ATE1: variants seen among roughly 807,000 people sequenced by gnomAD.
The protein encoded by ATE1 is arginyl-tRNA--protein transferase 1.
Under a neutral mutation model 70.5 loss-of-function variants are expected in ATE1, and 36 were observed. The ratio of observed to expected loss-of-function variants is 0.51; its 90% confidence interval spans 0.39 to 0.67. ATE1 has a LOEUF of 0.67. ATE1 is among the 30% of genes least tolerant of loss of function. The pLI, the probability that ATE1 is intolerant of heterozygous loss-of-function variation, is 0.00. For missense variants in ATE1, 593 were observed against 629.5 expected (o/e 0.94, Z 0.62); for synonymous variants, 232 against 219.3 (o/e 1.06, Z -0.51).
intron 7 of ATE1, among the ~76,000 whole-genome samples, chr10:121,871,081 C>T (rs577903531): frequency 6.6e-6 from 1 of 152,224 alleles, no homozygotes; most frequent in South Asian, 2.1e-4. Context: ...AAATATTTAT[C>T]AATGAAATTA....
At chr10:121,796,188 C>G (rs1475295212) in intron 10 of ATE1, among the ~76,000 whole-genome samples, 1 of 152,012 alleles carries the variant, frequency 6.6e-6, no homozygotes, top group African/African-American at 2.4e-5. Context: ...AGCCGTCCAA[C>G]AAGAACAAAA....
intron 10 of ATE1, among the ~76,000 whole-genome samples, chr10:121,818,436 T>C (rs1018393888): frequency 6.6e-6 from 1 of 152,130 alleles, no homozygotes; most frequent in Non-Finnish European, 1.5e-5. Context: ...TAATATTTTA[T>C]AGCAATTTTT....
intron 11 of ATE1, among the ~76,000 whole-genome samples, chr10:121,753,016 T>C (rs1944651284): frequency 6.6e-6 from 1 of 152,230 alleles, no homozygotes; most frequent in Non-Finnish European, 1.5e-5. Flanking sequence ...TTCTGTAATT[T>C]CTTTGAACAA....
intron 2 of ATE1, among the ~76,000 whole-genome samples, chr10:121,923,233 A>G (rs1311561115): frequency 6.6e-6 from 1 of 152,174 alleles, no homozygotes; most frequent in Non-Finnish European, 1.5e-5. Context: ...CACTTTGAAA[A>G]GCTAAGCTGG....
chr10:121,853,665 T>C (rs541013305), intron 8 of ATE1, among the ~76,000 whole-genome samples: 4 of 152,240 alleles, frequency 2.6e-5, no homozygotes, highest in South Asian at 2.1e-4. Context: ...ACTTAAATCA[T>C]TGTTAAAAAA....
chr10:121,789,534 C>A (rs566862831), intron 11 of ATE1, among the ~76,000 whole-genome samples: 5 of 151,884 alleles, frequency 3.3e-5, no homozygotes, highest in South Asian at 4.2e-4. Context: ...CCTGACCTCA[C>A]GTGATCTGCC....
intron 9 of ATE1, among the ~76,000 whole-genome samples, chr10:121,838,446 T>C (rs1472134419): frequency 6.6e-6 from 1 of 152,300 alleles, no homozygotes; most frequent in East Asian, 1.9e-4. Flanking sequence ...ATTTTTGTTT[T>C]TCCTGGCCAC....
intron 10 of ATE1, among the ~76,000 whole-genome samples, chr10:121,824,296 G>T (rs1326835499): frequency 1.3e-5 from 2 of 152,164 alleles, no homozygotes; most frequent in African/African-American, 4.8e-5. Context: ...CAGTCCAGTA[G>T]TAGCAAAGTC....
At chr10:121,817,880 G>A (rs1294495228) in intron 10 of ATE1, among the ~76,000 whole-genome samples, 1 of 152,256 alleles carries the variant, frequency 6.6e-6, no homozygotes, top group South Asian at 2.1e-4. Context: ...CTAACGCAAA[G>A]TAAAGAAGGG....
intron 8 of ATE1, among the ~76,000 whole-genome samples, chr10:121,850,166 C>T (rs1948998975): frequency 6.6e-6 from 1 of 152,180 alleles, no homozygotes; most frequent in Non-Finnish European, 1.5e-5. Flanking sequence ...ATTGAGTATT[C>T]CATGCAGCAA....
intron 4 of ATE1, among the ~76,000 whole-genome samples, chr10:121,911,592 G>A (rs923129911): frequency 3.3e-5 from 5 of 152,074 alleles, no homozygotes; most frequent in Admixed American, 6.6e-5. Flanking sequence ...GGAAACTTGC[G>A]ACCCTGAACT....
chr10:121,757,680 C>T (rs755552940), intron 11 of ATE1, among the ~76,000 whole-genome samples: 1 of 152,164 alleles, frequency 6.6e-6, no homozygotes, highest in Non-Finnish European at 1.5e-5. Context: ...TTGTGAGACC[C>T]ATTCACTATC....
intron 8 of ATE1, among the ~76,000 whole-genome samples, chr10:121,842,671 A>T (rs1948674408): frequency 6.6e-6 from 1 of 152,234 alleles, no homozygotes; most frequent in Non-Finnish European, 1.5e-5. Flanking sequence ...CTGACTTCAC[A>T]TTAGAAAAGC....
intron 8 of ATE1, among the ~76,000 whole-genome samples, chr10:121,863,186 T>C (rs943969821): frequency 1.3e-5 from 2 of 152,166 alleles, no homozygotes; most frequent in Non-Finnish European, 2.9e-5. Flanking sequence ...GCATATTCAT[T>C]TGATGAACTG....
chr10:121,888,637 T>A (rs1248906575), intron 7 of ATE1, among the ~76,000 whole-genome samples: 2 of 152,096 alleles, frequency 1.3e-5, no homozygotes, highest in Non-Finnish European at 1.5e-5. Context: ...TGGGCACACA[T>A]CAAATAGAAA....
At chr10:121,822,861 A>G (rs1003497089) in intron 10 of ATE1, among the ~76,000 whole-genome samples, 1 of 152,190 alleles carries the variant, frequency 6.6e-6, no homozygotes, top group African/African-American at 2.4e-5. Flanking sequence ...ACAAGCAGTG[A>G]TCATGTCTAA....
At chr10:121,796,570 G>A (rs549200749) in intron 10 of ATE1, among the ~76,000 whole-genome samples, 3 of 152,262 alleles carry the variant, frequency 2.0e-5, no homozygotes, top group Admixed American at 6.5e-5. Flanking sequence ...TTTACACAAA[G>A]TAGAGCTGTA....
intron 10 of ATE1, among the ~76,000 whole-genome samples, chr10:121,832,741 T>C (rs1948291724): frequency 6.6e-6 from 1 of 152,220 alleles, no homozygotes; most frequent in Non-Finnish European, 1.5e-5. Flanking sequence ...CTCAGTTATA[T>C]CTTTATCAGC....
At chr10:121,858,479 A>G (rs1378138432) in intron 8 of ATE1, among the ~76,000 whole-genome samples, 1 of 151,842 alleles carries the variant, frequency 6.6e-6, no homozygotes, top group African/African-American at 2.4e-5. Flanking sequence ...TGGCTTCACC[A>G]TAACTTTGAA....
Sources: allele counts gnomAD v4.1 joint callset (sites outside exome capture counted in the v4.1 genomes callset), GRCh38; gene constraint gnomAD v4.1.1; transcripts MANE v1.5; gene names NCBI Gene and HGNC (gene_info 2026-07-23, HGNC 2026-07-21).